MCTP1: variants seen among roughly 807,000 people sequenced by gnomAD.
The protein encoded by MCTP1 is multiple C2 and transmembrane domain-containing protein 1.
MCTP1 carries 69 observed loss-of-function variants against 120.6 expected under a neutral mutation model. That is an observed-to-expected ratio of 0.57 (90% CI 0.47 to 0.70). The LOEUF is 0.70. Among genes scored for constraint, MCTP1 ranks in the 30% least tolerant of loss-of-function variants. The probability of loss-of-function intolerance (pLI) is 0.00; values close to 1 mark genes in which losing one functional copy is unlikely to be tolerated. For missense variants in MCTP1, 1,203 were observed against 1,248.8 expected, an observed-to-expected ratio of 0.96 and a Z score of 0.55; for synonymous variants, 529 against 493.1, an observed-to-expected ratio of 1.07 and a Z score of -0.96.
chr5:94,732,563 C>T (rs1370170758), intron 19 of MCTP1, among the ~76,000 whole-genome samples: 1 of 152,126 alleles, frequency 6.6e-6, no homozygotes, highest in African/African-American at 2.4e-5. Flanking sequence ...GTTTTTGGTC[C>T]TGCCCCATCC....
At chr5:94,753,174 G>C (rs574594316) in intron 19 of MCTP1, among the ~76,000 whole-genome samples, 1 of 152,290 alleles carries the variant, frequency 6.6e-6, no homozygotes, top group Non-Finnish European at 1.5e-5. Context: ...TTTATCCACA[G>C]CAACTGCAGA....
At chr5:95,170,201 T>G (rs1452236380) in intron 1 of MCTP1, among the ~76,000 whole-genome samples, 1 of 152,238 alleles carries the variant, frequency 6.6e-6, no homozygotes, top group East Asian at 1.9e-4. Flanking sequence ...GTTGTTCAGT[T>G]TCCATGTAGT....
intron 1 of MCTP1, among the ~76,000 whole-genome samples, chr5:95,181,207 A>T (rs1051936945): frequency 1.3e-5 from 2 of 152,200 alleles, no homozygotes; most frequent in East Asian, 1.9e-4. Flanking sequence ...TTCTCATCAC[A>T]CAAAGTATAA....
At chr5:94,872,782 A>T (rs1208189052) in intron 13 of MCTP1, among the ~76,000 whole-genome samples, 1 of 152,110 alleles carries the variant, frequency 6.6e-6, no homozygotes, top group African/African-American at 2.4e-5. Flanking sequence ...GCAATGGAAC[A>T]AATAGAGCTT....
chr5:95,274,394 G>A (rs1562295062), intron 1 of MCTP1, among the ~76,000 whole-genome samples: 1 of 152,184 alleles, frequency 6.6e-6, no homozygotes, highest in East Asian at 1.9e-4. Flanking sequence ...ATGGAAAAGG[G>A]GTGCTTCTTC....
intron 2 of MCTP1, among the ~76,000 whole-genome samples, chr5:94,972,103 TG>T (rs1827018394): frequency 6.6e-6 from 1 of 152,120 alleles, no homozygotes; most frequent in Non-Finnish European, 1.5e-5. Context: ...TAAGTCCTAA[TG>T]GAATTCTCTC....
intron 1 of MCTP1, among the ~76,000 whole-genome samples, chr5:95,168,691 G>A (rs1340171179): frequency 6.6e-6 from 1 of 151,824 alleles, no homozygotes; most frequent in African/African-American, 2.4e-5. Flanking sequence ...TAGTGATTTG[G>A]CTCTGTTTGT....
chr5:94,723,625 T>G (rs1229708360), intron 19 of MCTP1, among the ~76,000 whole-genome samples: 1 of 152,176 alleles, frequency 6.6e-6, no homozygotes, highest in Admixed American at 6.5e-5. Flanking sequence ...TTGCTTCCTC[T>G]TTTGCAAGGC....
chr5:95,112,480 A>G (rs1337890205), intron 1 of MCTP1, among the ~76,000 whole-genome samples: 1 of 152,238 alleles, frequency 6.6e-6, no homozygotes, highest in East Asian at 1.9e-4. Context: ...TATTGGGAAC[A>G]AACTTTAAAA....
At chr5:94,966,999 G>T (rs1224379197) in intron 2 of MCTP1, among the ~76,000 whole-genome samples, 1 of 152,098 alleles carries the variant, frequency 6.6e-6, no homozygotes, top group Non-Finnish European at 1.5e-5. Context: ...ACAAAATCTG[G>T]CCTTATTGGG....
At chr5:95,148,946 T>C (rs1760654120) in intron 1 of MCTP1, among the ~76,000 whole-genome samples, 1 of 152,236 alleles carries the variant, frequency 6.6e-6, no homozygotes, top group Non-Finnish European at 1.5e-5. Flanking sequence ...AGGCACTGTA[T>C]ACTGGCAAAA....
At chr5:95,282,367 C>T (rs1760393222) in intron 1 of MCTP1, among the ~76,000 whole-genome samples, 1 of 151,836 alleles carries the variant, frequency 6.6e-6, no homozygotes, top group Admixed American at 6.6e-5. Context: ...TGATATATAC[C>T]TTTCAAAATA....
intron 1 of MCTP1, among the ~76,000 whole-genome samples, chr5:95,031,319 G>A (rs1449745164): frequency 2.6e-5 from 4 of 151,626 alleles, no homozygotes; most frequent in Non-Finnish European, 5.9e-5. Flanking sequence ...CCACCCCCAA[G>A]ACATAGAGTC....
At chr5:95,090,117 C>A (rs960018374) in intron 1 of MCTP1, among the ~76,000 whole-genome samples, 26 of 152,162 alleles carry the variant, frequency 1.7e-4, no homozygotes, top group African/African-American at 6.3e-4. Flanking sequence ...GGCAATATTG[C>A]ATGGCAGTTA....
intron 17 of MCTP1, among the ~76,000 whole-genome samples, chr5:94,803,786 T>C (rs931554652): frequency 1.3e-5 from 2 of 152,302 alleles, no homozygotes; most frequent in African/African-American, 4.8e-5. Flanking sequence ...ACTTTCAGTT[T>C]TTCATATTTA....
chr5:94,871,014 C>G (rs373123267), intron 14 of MCTP1, 41 bp from the exon 15 acceptor site: 1 of 1,479,606 alleles, frequency 6.8e-7, no homozygotes, highest in Non-Finnish European at 9.4e-7. Context: ...CTCGCGGTCT[C>G]TACTGAATAC....
At chr5:95,121,843 T>C (rs781734107) in intron 1 of MCTP1, among the ~76,000 whole-genome samples, 7 of 150,342 alleles carry the variant, frequency 4.7e-5, no homozygotes, top group Non-Finnish European at 1.0e-4. Context: ...ACATCTATAG[T>C]GAATTCATTT....
intron 1 of MCTP1, among the ~76,000 whole-genome samples, chr5:95,217,381 T>C (rs1353308575): frequency 3.3e-5 from 5 of 152,198 alleles, no homozygotes; most frequent in Admixed American, 6.5e-5. Flanking sequence ...GAAGCACTTA[T>C]ATAATTTGAC....
chr5:94,979,514 C>G (rs986404362), intron 2 of MCTP1: 1 of 152,114 alleles, frequency 6.6e-6, no homozygotes, highest in Non-Finnish European at 1.5e-5. Flanking sequence ...AAGAATGCTA[C>G]TGCTTGGCAA....
Sources: allele counts gnomAD v4.1 joint callset (sites outside exome capture counted in the v4.1 genomes callset), GRCh38; gene constraint gnomAD v4.1.1; transcripts MANE v1.5; gene names NCBI Gene and HGNC (gene_info 2026-07-23, HGNC 2026-07-21).